Variants in TRAPPC13 observed in about 807,000 individuals in gnomAD.
TRAPPC13 encodes REV7-interacting novel NHEJ regulator 1.
Under a neutral mutation model 54.0 loss-of-function variants are expected in TRAPPC13, and 39 were observed. The ratio of observed to expected loss-of-function variants is 0.72; its 90% CI spans 0.56 to 0.94. TRAPPC13 has a LOEUF of 0.94. TRAPPC13 is among the 40% of genes least tolerant of loss of function. The probability of loss-of-function intolerance (pLI) is 0.00; values close to 1 mark genes in which losing one functional copy is unlikely to be tolerated. For missense variants in TRAPPC13, 386 were observed against 488.1 expected (o/e 0.79, Z 1.97); for synonymous variants, 148 against 167.7 (o/e 0.88, Z 0.91).
At chr5:65,627,015 C>G (rs1755266376) in intron 1 of TRAPPC13, among the ~76,000 whole-genome samples, 1 of 150,688 alleles carries the variant, frequency 6.6e-6, no homozygotes. Flanking sequence ...TGGTGTAATC[C>G]CAGCTACTCG....
At chr5:65,640,184 G>A (rs139953343) in intron 4 of TRAPPC13, among the ~76,000 whole-genome samples, 40 of 152,194 alleles carry the variant, frequency 2.6e-4, no homozygotes, top group Admixed American at 5.2e-4. Flanking sequence ...AACTAAGAAT[G>A]GTTTTCACAT....
rs755259578 is a variant in TRAPPC13, at chr5:65,635,369, G to C, written c.115G>C (p.Gly39Arg). 1 of 1,612,016 alleles carries C rather than the reference G, an allele frequency of 6.2e-7. No individual in the cohort carries two copies. Among genetic ancestry groups the C allele is most frequent in the East Asian group, 2.2e-5 (1 of 44,788 alleles). The stretch of plus-strand genomic sequence containing the variant: ...AACATGTGAAGAGAAAGACTTACCT[G>C]GTATGGCACATGCTTTCCTCTATTT... ...PVTCEEKDLP[G>R]DLFNQLMRDD... The change falls in exon 2 of 13, where the codon GGA becomes CGA. Residue 39 changes from glycine to arginine, a missense_variant and splice_region_variant. Transcript: ENST00000399438.
At chr5:65,642,546 C>T (rs1389482146) in intron 4 of TRAPPC13, among the ~76,000 whole-genome samples, 1 of 152,002 alleles carries the variant, frequency 6.6e-6, no homozygotes, top group Non-Finnish European at 1.5e-5. Context: ...CTTTTTCTAC[C>T]ATTTTTTAGC....
At chr5:65,644,861 A>C (rs1414873830) in intron 4 of TRAPPC13, among the ~76,000 whole-genome samples, 3 of 148,830 alleles carry the variant, frequency 2.0e-5, no homozygotes, top group African/African-American at 7.5e-5. Flanking sequence ...AACCTGGGTG[A>C]CAGAGCGAGA....
intron 9 of TRAPPC13, 141 bp downstream of exon 9, chr5:65,658,642 A>G: frequency 1.7e-6 from 1 of 593,264 alleles, no homozygotes; most frequent in Non-Finnish European, 2.5e-6. Flanking sequence ...ATCAGAAAGT[A>G]GAGTTTCCAC....
At chr5:65,654,934 T>C (rs1345123574) in intron 7 of TRAPPC13, among the ~76,000 whole-genome samples, 1 of 152,132 alleles carries the variant, frequency 6.6e-6, no homozygotes, top group Non-Finnish European at 1.5e-5. Flanking sequence ...GCAACTATAA[T>C]GTAAGCCCCT....
chr5:65,632,392 G>A (rs898158612), intron 1 of TRAPPC13, among the ~76,000 whole-genome samples: 2 of 152,090 alleles, frequency 1.3e-5, no homozygotes, highest in African/African-American at 2.4e-5. Context: ...GGTTGGAAAC[G>A]CCTCCCCATA....
chr5:65,653,064 G>A (rs1756527537), intron 7 of TRAPPC13, among the ~76,000 whole-genome samples: 2 of 134,368 alleles, frequency 1.5e-5, no homozygotes, highest in Admixed American at 1.6e-4. Context: ...TTGGCAAAAA[G>A]AGAAGTAACT....
Position 65,637,776 on chromosome 5 carries a change from T to C in TRAPPC13, c.296T>C (p.Val99Ala), listed in dbSNP as rs778415446. ...DSNQVVKDIL[V>A]KADLQTSSQR... ...AATCAAGTTGTAAAAGACATATTAGTAAAAGTAAGTAACATTCTTACTTGG... is the reference window on the plus strand; with the variant it reads ...AATCAAGTTGTAAAAGACATATTAGCAAAAGTAAGTAACATTCTTACTTGG... The change falls in exon 4 of 13, where the codon GTA becomes GCA. Residue 99 changes from valine (V) to alanine (A), a missense_variant. Val to Ala is a moderately conservative substitution (Grantham distance 64). Transcript: ENST00000399438. 2 of 1,533,508 alleles carry C rather than the reference T, an allele frequency of 1.3e-6. No homozygotes were observed. The highest frequency in any genetic ancestry group is 4.0e-5 in the Admixed American group (2 of 50,258). The allele number at this position is 1,533,508 out of a possible 1,614,324, so 95.0% of individuals were successfully genotyped here. A position where few individuals can be genotyped will look rare whatever the true frequency, so the allele number is the denominator to read the frequency against.
intron 6 of TRAPPC13, 98 bp downstream of exon 6, chr5:65,650,980 A>G (rs1482596092): frequency 1.2e-6 from 1 of 819,656 alleles, no homozygotes; most frequent in African/African-American, 1.7e-5. Flanking sequence ...CAAGCTCCAA[A>G]TAAAGCAAAT....
chr5:65,634,319 T>C (rs1755667550), intron 1 of TRAPPC13, among the ~76,000 whole-genome samples: 1 of 152,234 alleles, frequency 6.6e-6, no homozygotes, highest in Admixed American at 6.5e-5. Flanking sequence ...GTATATCCTA[T>C]CTTTTTTTTG....
intron 10 of TRAPPC13, 77 bp downstream of exon 10, chr5:65,660,974 T>A: frequency 1.6e-6 from 2 of 1,248,176 alleles, no homozygotes; most frequent in Non-Finnish European, 2.2e-6. Context: ...TTTTTCTACA[T>A]CCAGCAGTAA....
chr5:65,655,320 A>C (rs1756610477), intron 7 of TRAPPC13, among the ~76,000 whole-genome samples: 1 of 152,220 alleles, frequency 6.6e-6, no homozygotes, highest in African/African-American at 2.4e-5. Context: ...ATGTTGGTAA[A>C]GAATTATAGA....
At chr5:65,664,460 CTGAA>C in intron 12 of TRAPPC13, 40 bp from the exon 13 acceptor site, 1 of 1,591,978 alleles carries the variant, frequency 6.3e-7, no homozygotes, top group East Asian at 2.2e-5. Flanking sequence ...TGTATTTCCT[CTGAA>C]TGAATGAAAA....
intron 4 of TRAPPC13, among the ~76,000 whole-genome samples, chr5:65,641,180 C>A (rs556604271): frequency 6.6e-6 from 1 of 152,040 alleles, no homozygotes; most frequent in Admixed American, 6.6e-5. Context: ...GCAAGCCTCC[C>A]GCATCAGCCT....
chr5:65,635,023 A>G (rs896968957), intron 1 of TRAPPC13: 23 of 815,236 alleles, frequency 2.8e-5, no homozygotes, highest in Admixed American at 6.2e-5. Flanking sequence ...TTTAAAAATT[A>G]TATTTTCCAG....
At chr5:65,645,057 A>G (rs1441883552) in intron 4 of TRAPPC13, among the ~76,000 whole-genome samples, 2 of 150,694 alleles carry the variant, frequency 1.3e-5, no homozygotes, top group African/African-American at 4.9e-5. Flanking sequence ...AATTAGCTAG[A>G]TGTGGTGACG....
chr5:65,635,977 CT>C lies in TRAPPC13; in HGVS notation c.151del (p.Ser51GlnfsTer9). On this transcript the variant is annotated frameshift_variant, in exon 3 of 13. Transcript: ENST00000399438. LOFTEE classifies it high-confidence loss of function. ...DLFNQLMRDD[P>X]STVNGAEVLM... ...TTTAACCAGCTGATGAGAGATGATCCTTCAACCGTTAATGGTGCAGAAGTTT... is the reference window on the plus strand; with the variant it reads ...TTTAACCAGCTGATGAGAGATGATCCTCAACCGTTAATGGTGCAGAAGTTT... The C allele has an allele frequency of 6.2e-7, 1 of 1,600,572 alleles. No homozygotes were observed. Among genetic ancestry groups the C allele is most frequent in the Non-Finnish European group, 8.5e-7 (1 of 1,172,826 alleles).
Position 65,658,349 on chromosome 5 carries a change from AT to A in TRAPPC13, c.565-12del, listed in dbSNP as rs1201493339. On this transcript the variant is annotated intron_variant, in intron 8 of 12. Coordinates refer to ENST00000399438, the MANE Select transcript of TRAPPC13 (RefSeq NM_024941.4). ...TAAATGCCACCACACCTTGGTGGATATTTTTTTCATATCCTCAGACTGATGA... is the reference window on the plus strand; with the variant it reads ...TAAATGCCACCACACCTTGGTGGATATTTTTTCATATCCTCAGACTGATGA... The A allele has an allele frequency of 2.5e-6, 4 of 1,575,692 alleles. No homozygotes were observed. Among genetic ancestry groups the A allele is most frequent in the Non-Finnish European group, 3.4e-6 (4 of 1,161,426 alleles).
Sources: allele counts gnomAD v4.1 joint callset (sites outside exome capture counted in the v4.1 genomes callset), GRCh38; gene constraint gnomAD v4.1.1; transcripts MANE v1.5; gene names NCBI Gene and HGNC (gene_info 2026-07-23, HGNC 2026-07-21).